AFTPH: variants seen among roughly 807,000 people sequenced by gnomAD.
AFTPH encodes aftiphilin protein.
A neutral mutation model predicts 72.5 loss-of-function variants in AFTPH; 7 were observed. The ratio of observed to expected loss-of-function variants is 0.10; its 90% confidence interval spans 0.05 to 0.18. The LOEUF (loss-of-function observed/expected upper bound fraction) is 0.18, where lower values mean the gene tolerates loss of function less well. Among genes scored for constraint, AFTPH ranks in the 10% least tolerant of loss-of-function variants. The pLI is 1.00. For missense variants in AFTPH, 979 were observed against 1,060.5 expected (o/e 0.92, Z 1.07); for synonymous variants, 337 against 370.1 (o/e 0.91, Z 1.03).
intron 1 of AFTPH, among the ~76,000 whole-genome samples, chr2:64,533,943 C>T (rs948728770): frequency 6.6e-6 from 1 of 152,104 alleles, no homozygotes; most frequent in African/African-American, 2.4e-5. Flanking sequence ...TTCTAAGTGA[C>T]ATGTGATACT....
In AFTPH at chr2:64,565,039, A is replaced by G. The variant is rs1277069779; in HGVS notation, c.1936-2523A>G. ...TTTTTAGTAGAGACGGGGTTTCACC[A>G]TGTTGGCCAGGCTGGTTTCAAACTC... On this transcript the variant is annotated intron_variant, in intron 2 of 8. Coordinates refer to ENST00000238856, the Ensembl canonical transcript of AFTPH. Among the ~76,000 whole-genome samples, 3 of 151,804 alleles carry G rather than the reference A, an allele frequency of 2.0e-5. No individual in the cohort carries two copies. In the East Asian group the frequency reaches 5.9e-4, roughly 30 times the overall value.
At chr2:64,572,538 A>G (rs1672502245) in intron 5 of AFTPH, among the ~76,000 whole-genome samples, 2 of 152,094 alleles carry the variant, frequency 1.3e-5, no homozygotes, top group African/African-American at 4.8e-5. Flanking sequence ...GTCTCCCCCC[A>G]CCCATCCCGA....
chr2:64,586,053 C>T (rs1486321702), intron 8 of AFTPH, among the ~76,000 whole-genome samples: 3 of 152,162 alleles, frequency 2.0e-5, no homozygotes, highest in African/African-American at 7.2e-5. Context: ...AGAGGCATGG[C>T]CTATTGAAGA....
At chr2:64,567,498 T>C in intron 2 of AFTPH, 64 bp from the exon 3 acceptor site, 2 of 1,525,614 alleles carry the variant, frequency 1.3e-6, no homozygotes, top group South Asian at 1.3e-5. Flanking sequence ...TGCATTTTAA[T>C]GCTATAACTA....
At chr2:64,552,745 G>A (rs1464922692) in exon 2 of AFTPH, 1 of 1,614,054 alleles carries the variant, frequency 6.2e-7, no homozygotes, top group African/African-American at 1.3e-5. Flanking sequence ...TTTGTGACTT[G>A]CAATGATATC....
chr2:64,553,230 G>T, exon 2 of AFTPH: 2 of 1,614,120 alleles, frequency 1.2e-6, no homozygotes, highest in Non-Finnish European at 1.7e-6. Context: ...TTGTTCTTGG[G>T]CTGCTTTTGG....
intron 1 of AFTPH, among the ~76,000 whole-genome samples, chr2:64,537,813 C>G (rs1235244092): frequency 6.6e-6 from 1 of 152,140 alleles, no homozygotes; most frequent in Non-Finnish European, 1.5e-5. Flanking sequence ...TTATCAAATA[C>G]TTGGTTCGTT....
chr2:64,524,745 G>A (rs1669143023), intron 1 of AFTPH, 133 bp downstream of exon 1: 2 of 365,138 alleles, frequency 5.5e-6, no homozygotes, highest in African/African-American at 4.2e-5. Context: ...TGTGAGGACG[G>A]AGCTGGCTCT....
intron 2 of AFTPH, among the ~76,000 whole-genome samples, chr2:64,554,813 A>G (rs1671259212): frequency 6.6e-6 from 1 of 152,196 alleles, no homozygotes; most frequent in Admixed American, 6.5e-5. Flanking sequence ...CCCTTTCCCT[A>G]TTTAGTTTCA....
At chr2:64,559,566 T>C (rs1161636044) in intron 2 of AFTPH, among the ~76,000 whole-genome samples, 1 of 152,206 alleles carries the variant, frequency 6.6e-6, no homozygotes, top group Non-Finnish European at 1.5e-5. Flanking sequence ...AGCATTTTTG[T>C]TCTATTCAGG....
intron 3 of AFTPH, among the ~76,000 whole-genome samples, chr2:64,568,877 G>A (rs1192455108): frequency 6.6e-6 from 1 of 152,202 alleles, no homozygotes; most frequent in Non-Finnish European, 1.5e-5. Flanking sequence ...CTCCCAAATT[G>A]CTGGGATTAC....
At chr2:64,572,264 T>C (rs1672482868) in intron 5 of AFTPH, among the ~76,000 whole-genome samples, 2 of 151,448 alleles carry the variant, frequency 1.3e-5, no homozygotes. Flanking sequence ...ACAAACCCTG[T>C]GGAACCTGTA....
intron 1 of AFTPH, among the ~76,000 whole-genome samples, chr2:64,529,655 A>ATTTTCTTT: frequency 6.7e-6 from 1 of 148,878 alleles, no homozygotes. Context: ...TTTGAGACAG[A>ATTTTCTTT]GTCTCACTGT....
chr2:64,550,638 T>C (rs1240197124), intron 1 of AFTPH, among the ~76,000 whole-genome samples: 2 of 150,258 alleles, frequency 1.3e-5, no homozygotes, highest in Non-Finnish European at 3.0e-5. Context: ...TGATGGTCAC[T>C]CTAATCCACA....
intron 1 of AFTPH, among the ~76,000 whole-genome samples, chr2:64,537,313 C>T (rs1416636718): frequency 6.6e-6 from 1 of 152,138 alleles, no homozygotes; most frequent in African/African-American, 2.4e-5. Context: ...GAAAAACCAC[C>T]TGTCGGGTAC....
intron 6 of AFTPH, 22 bp from the exon 7 acceptor site, chr2:64,579,464 A>AT (rs762417790): frequency 1.9e-6 from 3 of 1,608,554 alleles, no homozygotes; most frequent in South Asian, 2.2e-5. Flanking sequence ...ATTAATTTTG[A>AT]TTTTTTGGTT....
chr2:64,555,662 A>G (rs1326681863), intron 2 of AFTPH, among the ~76,000 whole-genome samples: 1 of 152,128 alleles, frequency 6.6e-6, no homozygotes, highest in African/African-American at 2.4e-5. Context: ...GGGTTATGGA[A>G]AATGAACAGA....
rs1558633734 is a variant in AFTPH, at chr2:64,585,468, C to CTCCA, written c.2503_2506dup (p.Thr836IlefsTer9). 1 of 1,613,714 alleles carries CTCCA rather than the reference C, an allele frequency of 6.2e-7. No individual in the cohort carries two copies. Among genetic ancestry groups the CTCCA allele is most frequent in the Non-Finnish European group, 8.5e-7 (1 of 1,179,884 alleles). ...AGTTAACAACTTCTAAGCTGGAAAT[C>CTCCA]TCCACCTCAAGCCTCAAAGTGACTG... On this transcript the variant is annotated frameshift_variant, in exon 8 of 9. Transcript: ENST00000238856. LOFTEE classifies it high-confidence loss of function.
chr2:64,578,400 G>GAA (rs910467176), intron 6 of AFTPH, among the ~76,000 whole-genome samples: 1 of 151,812 alleles, frequency 6.6e-6, no homozygotes, highest in Non-Finnish European at 1.5e-5. Flanking sequence ...CAAAAGAAAA[G>GAA]AAAAAAACAA....
Sources: allele counts gnomAD v4.1 joint callset (sites outside exome capture counted in the v4.1 genomes callset), GRCh38; gene constraint gnomAD v4.1.1; transcripts MANE v1.5; gene names NCBI Gene and HGNC (gene_info 2026-07-23, HGNC 2026-07-21).